The following KCNJ6 variants were observed in gnomAD, a reference collection of about 807,000 sequenced individuals.
KCNJ6 encodes potassium inwardly rectifying channel subfamily J member 6.
A neutral mutation model predicts 34.2 loss-of-function variants in KCNJ6; 9 were observed. The observed-to-expected ratio is 0.26, with a 90% CI of 0.16 to 0.46. KCNJ6 has a LOEUF of 0.46. KCNJ6 is among the 20% of genes least tolerant of loss of function. The pLI, the probability that KCNJ6 is intolerant of heterozygous loss-of-function variation, is 1.00. For synonymous variants in KCNJ6, 196 were observed against 207.1 expected, an observed-to-expected ratio of 0.95 and a Z score of 0.46; for missense variants, 236 against 531.3, an observed-to-expected ratio of 0.44 and a Z score of 5.46.
At chr21:37,803,803 C>T (rs2055280901) in intron 2 of KCNJ6, among the ~76,000 whole-genome samples, 1 of 152,186 alleles carries the variant, frequency 6.6e-6, no homozygotes, top group Non-Finnish European at 1.5e-5. Flanking sequence ...TCTCTCTTGG[C>T]ATGACTCCAT....
At chr21:37,649,469 C>T (rs925199137) in intron 3 of KCNJ6, among the ~76,000 whole-genome samples, 14 of 152,264 alleles carry the variant, frequency 9.2e-5, no homozygotes, top group African/African-American at 3.1e-4. Flanking sequence ...GTCGAAAAAG[C>T]TCTCAGCAGC....
At chr21:37,772,480 C>T (rs1025562766) in intron 2 of KCNJ6, among the ~76,000 whole-genome samples, 1 of 152,082 alleles carries the variant, frequency 6.6e-6, no homozygotes, top group Non-Finnish European at 1.5e-5. Context: ...AATCGTCATA[C>T]TTTTAAATTC....
At chr21:37,693,643 G>T (rs1247649699) in intron 3 of KCNJ6, among the ~76,000 whole-genome samples, 1 of 152,180 alleles carries the variant, frequency 6.6e-6, no homozygotes, top group African/African-American at 2.4e-5. Context: ...TTAAAAAATT[G>T]ATACGTGATT....
intron 1 of KCNJ6, among the ~76,000 whole-genome samples, chr21:37,883,324 G>A (rs1381418215): frequency 2.0e-5 from 3 of 152,224 alleles, no homozygotes; most frequent in Non-Finnish European, 4.4e-5. Context: ...TTTTAAAAAT[G>A]TAAAAGCCAT....
chr21:37,625,000 G>A lies in KCNJ6; in HGVS notation c.*159C>T, dbSNP rs2054304263. On this transcript the variant is annotated 3_prime_UTR_variant, in exon 4 of 4. Transcript: ENST00000609713. ...CAATCTGAATAACTGAGAGAGGGCA[G>A]GTAGATATTTTACACCTTGAAGATT... 1 of 623,360 alleles carries A rather than the reference G, an allele frequency of 1.6e-6. No homozygotes were observed. Among genetic ancestry groups the A allele is most frequent in the African/African-American group, 1.8e-5 (1 of 54,414 alleles). 38.6% of individuals were successfully genotyped at this position (623,360 alleles called of 1,614,324 possible). A position where few individuals can be genotyped will look rare whatever the true frequency, so the allele number is the denominator to read the frequency against.
rs1321557373 is a variant in KCNJ6, at chr21:37,614,280, G to T, written c.*10879C>A. The T allele has an allele frequency of 6.6e-6, 1 of 152,198 alleles. No individual in the cohort carries two copies. Among genetic ancestry groups the T allele is most frequent in the Non-Finnish European group, 1.5e-5 (1 of 68,046 alleles). The allele number at this position is 152,198 out of a possible 1,614,324, so 9.4% of individuals were successfully genotyped here. A position where few individuals can be genotyped will look rare whatever the true frequency, so the allele number is the denominator to read the frequency against. On this transcript the variant is annotated 3_prime_UTR_variant, in exon 4 of 4. Transcript: ENST00000609713. ...AAATAATGCCACAGTGCATGCAGGG[G>T]AGGAACGCCAATCTTAAGGCTTTGA...
intron 2 of KCNJ6, among the ~76,000 whole-genome samples, chr21:37,761,068 G>A (rs1351636042): frequency 3.3e-5 from 5 of 152,160 alleles, no homozygotes; most frequent in African/African-American, 9.7e-5. Context: ...CTTGCCAGGG[G>A]ACGCCCCTTA....
intron 1 of KCNJ6, among the ~76,000 whole-genome samples, chr21:37,869,916 G>C (rs1461193216): frequency 6.6e-6 from 1 of 152,190 alleles, no homozygotes; most frequent in East Asian, 1.9e-4. Context: ...TGGCTTCCAA[G>C]GGTAGACCCA....
chr21:37,905,040 T>C (rs1272846455), intron 1 of KCNJ6, among the ~76,000 whole-genome samples: 1 of 152,222 alleles, frequency 6.6e-6, no homozygotes, highest in African/African-American at 2.4e-5. Context: ...GCGCCTGGAC[T>C]GCAGCCACGT....
At chr21:37,824,530 C>T (rs530690525) in intron 2 of KCNJ6, among the ~76,000 whole-genome samples, 47 of 152,258 alleles carry the variant, frequency 3.1e-4, no homozygotes, top group African/African-American at 1.1e-3. Flanking sequence ...TGTGTCCCCA[C>T]TCCAATCTCA....
chr21:37,723,372 C>T (rs2054836738), intron 2 of KCNJ6, among the ~76,000 whole-genome samples: 1 of 152,186 alleles, frequency 6.6e-6, no homozygotes, highest in Non-Finnish European at 1.5e-5. Flanking sequence ...TTGGAGATTT[C>T]TCAAAGAACT....
chr21:37,674,823 C>T (rs2054557444), intron 3 of KCNJ6, among the ~76,000 whole-genome samples: 1 of 152,134 alleles, frequency 6.6e-6, no homozygotes, highest in African/African-American at 2.4e-5. Flanking sequence ...TTTACTCATG[C>T]TGTGTCCTGA....
chr21:37,643,241 C>T (rs1356961044), intron 3 of KCNJ6, among the ~76,000 whole-genome samples: 1 of 152,178 alleles, frequency 6.6e-6, no homozygotes, highest in African/African-American at 2.4e-5. Flanking sequence ...TACATTGTTT[C>T]TGTAGCAGTC....
intron 1 of KCNJ6, among the ~76,000 whole-genome samples, chr21:37,907,342 A>T (rs1354372501): frequency 2.0e-5 from 3 of 150,830 alleles, no homozygotes; most frequent in Admixed American, 2.0e-4. Context: ...AATGTGATTC[A>T]TTTTTTTTAT....
At chr21:37,658,686 G>A (rs2054475168) in intron 3 of KCNJ6, among the ~76,000 whole-genome samples, 2 of 152,216 alleles carry the variant, frequency 1.3e-5, no homozygotes, top group Admixed American at 6.5e-5. Flanking sequence ...AGGAGGGGAA[G>A]GGACGCTGAG....
In KCNJ6 at chr21:37,620,454, C is replaced by A. The variant is rs2054286694; in HGVS notation, c.*4705G>T. 2.0e-5 allele frequency: 3 copies of A among 151,852 alleles called. No individual in the cohort carries two copies. Among genetic ancestry groups the A allele is most frequent in the South Asian group, 4.1e-4 (2 of 4,824 alleles). The allele number at this position is 151,852 out of a possible 1,614,324, so 9.4% of individuals were successfully genotyped here. On this transcript the variant is annotated 3_prime_UTR_variant, in exon 4 of 4. Transcript: ENST00000609713. The stretch of plus-strand genomic sequence containing the variant: ...TGATTTTCACATGTCTCAAAATATT[C>A]TTCTTTTCTTTTTTTTCCCCCAATT...
At chr21:37,789,001 G>C (rs1310729491) in intron 2 of KCNJ6, among the ~76,000 whole-genome samples, 3 of 152,136 alleles carry the variant, frequency 2.0e-5, no homozygotes, top group Non-Finnish European at 4.4e-5. Flanking sequence ...AGCTTCTTCT[G>C]GAAGTTTATT....
intron 2 of KCNJ6, among the ~76,000 whole-genome samples, chr21:37,770,373 C>A (rs1329746797): frequency 2.0e-5 from 3 of 149,442 alleles, no homozygotes; most frequent in Non-Finnish European, 4.4e-5. Flanking sequence ...TTTTTTTTTT[C>A]AATTTATAGA....
At chr21:37,784,209 G>C (rs1304203838) in intron 2 of KCNJ6, among the ~76,000 whole-genome samples, 1 of 152,090 alleles carries the variant, frequency 6.6e-6, no homozygotes, top group East Asian at 1.9e-4. Flanking sequence ...TCACTCAATA[G>C]GGCACCGATT....
Sources: allele counts gnomAD v4.1 joint callset (sites outside exome capture counted in the v4.1 genomes callset), GRCh38; gene constraint gnomAD v4.1.1; transcripts MANE v1.5; gene names NCBI Gene and HGNC (gene_info 2026-07-23, HGNC 2026-07-21).